The following MMRN1 variants were observed in gnomAD, a reference collection of about 807,000 sequenced individuals.
MMRN1 encodes multimerin-1.
MMRN1 carries 94 observed loss-of-function variants against 100.7 expected under a neutral mutation model. The observed-to-expected ratio is 0.93, with a 90% CI of 0.79 to 1.11. The LOEUF (loss-of-function observed/expected upper bound fraction) is 1.11, where lower values mean the gene tolerates loss of function less well. Among genes scored for constraint, MMRN1 ranks in the 50% least tolerant of loss-of-function variants. MMRN1 has a pLI of 0.00. For missense variants in MMRN1, 1,606 were observed against 1,439.1 expected, an observed-to-expected ratio of 1.12 and a Z score of -1.88; for synonymous variants, 575 against 505.0, an observed-to-expected ratio of 1.14 and a Z score of -1.86.
intron 5 of MMRN1, among the ~76,000 whole-genome samples, chr4:89,932,487 AT>A (rs1265055453): frequency 1.3e-5 from 2 of 152,144 alleles, no homozygotes; most frequent in Non-Finnish European, 2.9e-5. Context: ...CCCACCCCAC[AT>A]TTCCCTTCTG....
At chr4:89,887,158 A>C (rs976236312) in intron 1 of MMRN1, among the ~76,000 whole-genome samples, 5 of 152,088 alleles carry the variant, frequency 3.3e-5, no homozygotes, top group African/African-American at 1.2e-4. Flanking sequence ...TGAAGGCGAC[A>C]CAAAAATGGG....
chr4:89,886,940 C>T (rs1056708622), intron 1 of MMRN1, among the ~76,000 whole-genome samples: 3 of 152,016 alleles, frequency 2.0e-5, no homozygotes, highest in Admixed American at 6.6e-5. Flanking sequence ...TGCTACTGAA[C>T]CTTATATCTT....
chr4:89,951,722 A>G lies in MMRN1; in HGVS notation c.3236A>G (p.Lys1079Arg). ...HPFTGDNCTIKLVEENALAPD... is the reference protein window; with the variant it reads ...HPFTGDNCTIRLVEENALAPD... ...TTTACTGGTGACAACTGCACTATCAAGCTTGTGGAAGAAAATGCTTTAGCT... is the reference window on the plus strand; with the variant it reads ...TTTACTGGTGACAACTGCACTATCAGGCTTGTGGAAGAAAATGCTTTAGCT... The change falls in exon 7 of 8, where the codon AAG becomes AGG. Residue 1079 changes from lysine to arginine, a missense_variant. Transcript: ENST00000264790. The G allele has an allele frequency of 6.2e-7, 1 of 1,612,766 alleles. No homozygotes were observed. Among genetic ancestry groups the G allele is most frequent in the Non-Finnish European group, 8.5e-7 (1 of 1,179,476 alleles).
chr4:89,895,403 C>T lies in MMRN1; in HGVS notation c.432C>T (p.Ser144=), dbSNP rs1234334741. The T allele has an allele frequency of 1.2e-6, 2 of 1,613,766 alleles. No homozygotes were observed. The highest frequency in any genetic ancestry group is 1.7e-6 in the Non-Finnish European group (2 of 1,179,928). The change falls in exon 1 of 8, where the codon AGC becomes AGT. Residue 144 remains serine, a synonymous_variant. Coordinates refer to ENST00000264790, the MANE Select transcript of MMRN1 (RefSeq NM_007351.3). The part of the protein sequence containing the change: ...LSNSTLKFLQ[S]FARKSNEQAT... ...ATTCTACACTGAAATTTCTTCAGAG[C>T]TTTGCCAGAAAGTCAAATGAACAAG...
At position 89,912,542 on chromosome 4, in the gene MMRN1, AT is replaced by A. The variant is rs957174113; in HGVS notation, c.850+504del. On this transcript the variant is annotated intron_variant, in intron 3 of 7. Coordinates refer to ENST00000264790, the MANE Select transcript of MMRN1 (RefSeq NM_007351.3). ...TCTTTTTCAAAATTCTAATGGAGCTATTTTTTTTTTTTCAGCTGAGGTTTTA... is the reference window on the plus strand; with the variant it reads ...TCTTTTTCAAAATTCTAATGGAGCTATTTTTTTTTTTCAGCTGAGGTTTTA... Among the ~76,000 whole-genome samples the A allele has an allele frequency of 9.6e-3, 1,373 of 143,520 alleles. 11 individuals carry two copies. Among genetic ancestry groups the A allele is most frequent in the Middle Eastern group, 0.025 (7 of 282 alleles). 94.2% of individuals were successfully genotyped at this position (143,520 alleles called of 152,430 possible). A position where few individuals can be genotyped will look rare whatever the true frequency, so the allele number is the denominator to read the frequency against.
intron 2 of MMRN1, 56 bp downstream of exon 2, chr4:89,909,451 C>A: frequency 1.9e-6 from 3 of 1,579,040 alleles, no homozygotes; most frequent in East Asian, 2.3e-5. Flanking sequence ...AAATTATAGC[C>A]GGGAATATAT....
chr4:89,930,282 C>T (rs1722394767), intron 5 of MMRN1, among the ~76,000 whole-genome samples: 1 of 152,146 alleles, frequency 6.6e-6, no homozygotes, highest in African/African-American at 2.4e-5. Flanking sequence ...AATATCTTTT[C>T]AGACATTGCT....
chr4:89,885,354 T>C (rs1720912921), intron 1 of MMRN1, among the ~76,000 whole-genome samples: 1 of 152,136 alleles, frequency 6.6e-6, no homozygotes, highest in African/African-American at 2.4e-5. Context: ...TCCTTTTATG[T>C]CAATGAAAGA....
chr4:89,888,220 G>A (rs1247772739), intron 1 of MMRN1, among the ~76,000 whole-genome samples: 2 of 151,634 alleles, frequency 1.3e-5, no homozygotes, highest in Non-Finnish European at 2.9e-5. Context: ...TATCTTATAG[G>A]GTGGGTCTTC....
intron 1 of MMRN1, among the ~76,000 whole-genome samples, chr4:89,885,688 A>G (rs1430721604): frequency 6.6e-6 from 1 of 152,134 alleles, no homozygotes; most frequent in African/African-American, 2.4e-5. Flanking sequence ...TAAATTGTTC[A>G]TAATGGGACC....
At position 89,953,617 on chromosome 4, in the gene MMRN1, G is replaced by T; in HGVS notation, c.*199G>T. ...AATGTCTGAATATGAAAGAGTTCTT[G>T]ATCCTAAAGAAATTTAGTGGCACAG... On this transcript the variant is annotated 3_prime_UTR_variant, in exon 8 of 8. Coordinates refer to ENST00000264790, the MANE Select transcript of MMRN1 (RefSeq NM_007351.3). 1 of 423,170 alleles carries T rather than the reference G, an allele frequency of 2.4e-6. No individual in the cohort carries two copies. Among genetic ancestry groups the T allele is most frequent in the South Asian group, 7.8e-5 (1 of 12,794 alleles). 26.2% of individuals were successfully genotyped at this position (423,170 alleles called of 1,614,324 possible). A position where few individuals can be genotyped will look rare whatever the true frequency, so the allele number is the denominator to read the frequency against.
intron 6 of MMRN1, among the ~76,000 whole-genome samples, chr4:89,939,109 G>T (rs1722744726): frequency 6.6e-6 from 1 of 152,066 alleles, no homozygotes; most frequent in South Asian, 2.1e-4. Flanking sequence ...TCTCCTGTAA[G>T]AATAGAACAA....
At chr4:89,910,629 T>C (rs1256751350) in intron 2 of MMRN1, among the ~76,000 whole-genome samples, 1 of 151,484 alleles carries the variant, frequency 6.6e-6, no homozygotes, top group Non-Finnish European at 1.5e-5. Context: ...ACAAACTCTA[T>C]ATACAGTCCC....
At chr4:89,923,490 C>A (rs1722154292) in intron 4 of MMRN1, among the ~76,000 whole-genome samples, 1 of 152,160 alleles carries the variant, frequency 6.6e-6, no homozygotes, top group African/African-American at 2.4e-5. Flanking sequence ...GCTTTGTGTG[C>A]AAACACAGAA....
At chr4:89,893,477 A>G (rs1045092880), upstream of MMRN1, among the ~76,000 whole-genome samples, 2 of 152,096 alleles carry the variant, frequency 1.3e-5, no homozygotes, top group African/African-American at 2.4e-5. Flanking sequence ...ATCTACAATA[A>G]AACATAACCA....
At chr4:89,950,902 G>A (rs2110658190) in intron 6 of MMRN1, among the ~76,000 whole-genome samples, 1 of 151,602 alleles carries the variant, frequency 6.6e-6, no homozygotes, top group East Asian at 1.9e-4. Flanking sequence ...TCTTTTCAGA[G>A]TTTTTCATAT....
chr4:89,910,945 T>A (rs1359396326), intron 2 of MMRN1, among the ~76,000 whole-genome samples: 2 of 151,334 alleles, frequency 1.3e-5, no homozygotes, highest in Non-Finnish European at 3.0e-5. Context: ...CGTGGCAAAC[T>A]CCAGGATAAT....
intron 4 of MMRN1, among the ~76,000 whole-genome samples, chr4:89,927,594 A>C (rs1722301915): frequency 6.6e-6 from 1 of 152,078 alleles, no homozygotes; most frequent in African/African-American, 2.4e-5. Flanking sequence ...TCTAATTTGA[A>C]TGCCCTTTAT....
At chr4:89,916,174 A>G (rs1721908633) in intron 3 of MMRN1, among the ~76,000 whole-genome samples, 1 of 151,698 alleles carries the variant, frequency 6.6e-6, no homozygotes, top group Non-Finnish European at 1.5e-5. Flanking sequence ...AAACAAAGGT[A>G]GGGAAAGATA....
Sources: gnomAD v4.1 joint callset for allele counts (sites outside exome capture counted in the v4.1 genomes callset) on GRCh38, gnomAD v4.1.1 for gene constraint, MANE v1.5 for transcripts, NCBI Gene and HGNC (gene_info 2026-07-23, HGNC 2026-07-21) for gene names.